CNTLN: variants seen among roughly 807,000 people sequenced by gnomAD.
CNTLN encodes the protein centlein.
A neutral mutation model predicts 180.0 loss-of-function variants in CNTLN; 212 were observed. The ratio of observed to expected loss-of-function variants is 1.18; its 90% CI spans 1.05 to 1.32. The LOEUF is 1.32. Ranked by LOEUF, CNTLN falls within the 40% of genes most tolerant of loss-of-function variation. The pLI is 0.00. For missense variants in CNTLN, 2,095 were observed against 1,610.9 expected (o/e 1.30, Z -5.14); for synonymous variants, 722 against 563.1 (o/e 1.28, Z -3.99).
At chr9:17,288,394 C>G (rs1191736466) in intron 6 of CNTLN, among the ~76,000 whole-genome samples, 1 of 137,540 alleles carries the variant, frequency 7.3e-6, no homozygotes, top group Non-Finnish European at 1.5e-5. Flanking sequence ...AATTTCTGTT[C>G]TTTTACATTT....
chr9:17,148,131 C>G (rs1818583513), intron 2 of CNTLN, among the ~76,000 whole-genome samples: 1 of 152,188 alleles, frequency 6.6e-6, no homozygotes, highest in African/African-American at 2.4e-5. Flanking sequence ...TCACCTTGAA[C>G]AGTTATCAAC....
intron 2 of CNTLN, among the ~76,000 whole-genome samples, chr9:17,156,177 C>A (rs1329693017): frequency 6.6e-6 from 1 of 152,176 alleles, no homozygotes; most frequent in African/African-American, 2.4e-5. Context: ...CCCTTTCGGC[C>A]ATCTTGAATC....
chr9:17,403,807 G>A (rs991468229), intron 15 of CNTLN, among the ~76,000 whole-genome samples: 2 of 151,608 alleles, frequency 1.3e-5, no homozygotes, highest in African/African-American at 4.9e-5. Flanking sequence ...ACAGAGTCTC[G>A]CTCTGTTGCC....
intron 2 of CNTLN, among the ~76,000 whole-genome samples, chr9:17,196,289 G>A (rs569880870): frequency 2.0e-5 from 3 of 152,172 alleles, no homozygotes; most frequent in African/African-American, 7.2e-5. Flanking sequence ...CTCCCAAAAT[G>A]CAGGGATTAC....
chr9:17,314,626 T>C (rs998455631), intron 8 of CNTLN, among the ~76,000 whole-genome samples: 3 of 152,226 alleles, frequency 2.0e-5, no homozygotes, highest in Non-Finnish European at 4.4e-5. Context: ...AAAGTTTCTG[T>C]TGGAATTTTA....
At chr9:17,478,296 C>G (rs896572873) in intron 23 of CNTLN, among the ~76,000 whole-genome samples, 19 of 152,070 alleles carry the variant, frequency 1.2e-4, no homozygotes, top group Non-Finnish European at 2.5e-4. Context: ...TCAAGTATGC[C>G]TGTATTTTGG....
At position 17,416,068 on chromosome 9, in the gene CNTLN, T is replaced by A; in HGVS notation, c.2993T>A (p.Leu998His). 6.2e-7 allele frequency: 1 copy of A among 1,613,682 alleles called. No individual in the cohort carries two copies. The highest frequency in any genetic ancestry group is 8.5e-7 in the Non-Finnish European group (1 of 1,179,748). The change falls in exon 18 of 26, where the codon CTT (leucine) becomes CAT (histidine). Residue 998 changes from leucine to histidine, a missense_variant. Physicochemically the swap from Leu to His is moderately conservative, Grantham distance 99. Coordinates refer to ENST00000380647, the MANE Select transcript of CNTLN (RefSeq NM_017738.4). The part of the protein sequence containing the change: ...IISLQQQNSV[L>H]QNAKKTAELS... ...TCCTTGCAACAACAAAACAGTGTAC[T>A]TCAGAATGCCAAGAAAACAGCAGAA...
chr9:17,432,254 G>A (rs1829461139), intron 18 of CNTLN, among the ~76,000 whole-genome samples: 1 of 152,138 alleles, frequency 6.6e-6, no homozygotes, highest in Non-Finnish European at 1.5e-5. Flanking sequence ...AGCTTAAACT[G>A]TCAGCCAACA....
intron 2 of CNTLN, among the ~76,000 whole-genome samples, chr9:17,218,815 T>G (rs1823938216): frequency 6.6e-6 from 1 of 152,162 alleles, no homozygotes; most frequent in South Asian, 2.1e-4. Flanking sequence ...AGTTGGATGT[T>G]TTTTTAGACT....
At position 17,414,802 on chromosome 9, in the gene CNTLN, A is replaced by C. The variant is rs116003353; in HGVS notation, c.2797-986A>C. 4.1e-4 allele frequency among the ~76,000 whole-genome samples: 62 copies of C among 152,324 alleles called. 1 individual carries two copies. Among genetic ancestry groups the C allele is most frequent in the African/African-American group, 1.4e-3 (59 of 41,574 alleles). ...TATGTTTCCCAGCCAATACATTCTT[A>C]AACAAGGCTAGGCACTGTGGCTCAC... On this transcript the variant is annotated intron_variant, in intron 16 of 25. Coordinates refer to ENST00000380647, the MANE Select transcript of CNTLN (RefSeq NM_017738.4).
intron 12 of CNTLN, among the ~76,000 whole-genome samples, chr9:17,361,137 T>G (rs1823354341): frequency 6.6e-6 from 1 of 152,182 alleles, no homozygotes; most frequent in Non-Finnish European, 1.5e-5. Flanking sequence ...TGTATACATG[T>G]GCCATGTTGG....
intron 6 of CNTLN, among the ~76,000 whole-genome samples, chr9:17,275,311 ATT>A (rs1479186198): frequency 1.3e-5 from 2 of 151,980 alleles, no homozygotes; most frequent in African/African-American, 4.8e-5. Context: ...ATTCCCACCC[ATT>A]TATTGTAGTT....
chr9:17,370,024 G>T (rs1824177981), intron 13 of CNTLN, among the ~76,000 whole-genome samples: 1 of 149,848 alleles, frequency 6.7e-6, no homozygotes, highest in Non-Finnish European at 1.5e-5. Flanking sequence ...GGAGATAAAA[G>T]AATAAAAAAC....
chr9:17,163,896 A>G (rs7861471), intron 2 of CNTLN, among the ~76,000 whole-genome samples: 2,881 of 151,588 alleles, frequency 0.019, 59 homozygotes, highest in African/African-American at 0.05. Context: ...GTGCACATCT[A>G]TAGTTTCAGC....
At chr9:17,305,511 C>T (rs1301276480) in intron 7 of CNTLN, among the ~76,000 whole-genome samples, 1 of 135,554 alleles carries the variant, frequency 7.4e-6, no homozygotes. Flanking sequence ...AATTTACTCA[C>T]TTGAGCACTG....
At chr9:17,433,500 G>C (rs1829554430) in intron 18 of CNTLN, among the ~76,000 whole-genome samples, 1 of 151,924 alleles carries the variant, frequency 6.6e-6, no homozygotes, top group African/African-American at 2.4e-5. Context: ...TGGCCAGGCT[G>C]GTCTTGAACT....
At chr9:17,348,812 G>A (rs1039297648) in intron 12 of CNTLN, among the ~76,000 whole-genome samples, 15 of 152,086 alleles carry the variant, frequency 9.9e-5, no homozygotes, top group African/African-American at 3.1e-4. Context: ...TTACAGGTGT[G>A]AGCCACCGTG....
chr9:17,316,754 T>C (rs1819564762), intron 8 of CNTLN, among the ~76,000 whole-genome samples: 1 of 152,164 alleles, frequency 6.6e-6, no homozygotes, highest in African/African-American at 2.4e-5. Flanking sequence ...TAATATTTTC[T>C]AGTGTGATAT....
At chr9:17,285,311 A>G (rs1828915988) in intron 6 of CNTLN, among the ~76,000 whole-genome samples, 3 of 150,548 alleles carry the variant, frequency 2.0e-5, no homozygotes, top group South Asian at 2.1e-4. Context: ...AATTTCATCC[A>G]TGTCCCTACA....
Sources: gnomAD v4.1 joint callset for allele counts (sites outside exome capture counted in the v4.1 genomes callset) on GRCh38, gnomAD v4.1.1 for gene constraint, MANE v1.5 for transcripts, NCBI Gene and HGNC (gene_info 2026-07-23, HGNC 2026-07-21) for gene names.